RAB3GAP1: variants seen among roughly 807,000 people sequenced by gnomAD.
The protein encoded by RAB3GAP1 is RAB3 GTPase activating protein catalytic subunit 1.
A neutral mutation model predicts 130.7 loss-of-function variants in RAB3GAP1; 86 were observed. The observed-to-expected ratio is 0.66, with a 90% CI of 0.55 to 0.79. RAB3GAP1 has a LOEUF of 0.79. Ranked by LOEUF, RAB3GAP1 falls within the 30% of genes least tolerant of loss-of-function variation. The probability of loss-of-function intolerance (pLI) is 0.00; values close to 1 mark genes in which losing one functional copy is unlikely to be tolerated. For missense variants in RAB3GAP1, 1,029 were observed against 1,169.4 expected, an observed-to-expected ratio of 0.88 and a Z score of 1.75; for synonymous variants, 367 against 401.7, an observed-to-expected ratio of 0.91 and a Z score of 1.03.
At chr2:135,120,500 A>G (rs1046638116) in intron 7 of RAB3GAP1, among the ~76,000 whole-genome samples, 1 of 152,164 alleles carries the variant, frequency 6.6e-6, no homozygotes, top group Non-Finnish European at 1.5e-5. Context: ...GTTCCTTACT[A>G]TGGGATCTTT....
rs1231613312 is a variant in RAB3GAP1 at position 135,078,097 on chromosome 2, G to A, written c.151-12901G>A. ...TTGTTGCCTGTGCTTTTGGTGTCCTGTCCAAGAAATAATTGCAAATTCAGA... is the reference window on the plus strand; with the variant it reads ...TTGTTGCCTGTGCTTTTGGTGTCCTATCCAAGAAATAATTGCAAATTCAGA... On this transcript the variant is annotated intron_variant, in intron 3 of 23. Coordinates refer to ENST00000264158, the MANE Select transcript of RAB3GAP1 (RefSeq NM_012233.3). 3.9e-5 allele frequency among the ~76,000 whole-genome samples: 6 copies of A among 152,178 alleles called. No homozygotes were observed. In the South Asian group the frequency reaches 6.2e-4, roughly 16 times the overall value.
chr2:135,094,300 T>C (rs1486589053), intron 5 of RAB3GAP1, among the ~76,000 whole-genome samples: 1 of 152,188 alleles, frequency 6.6e-6, no homozygotes, highest in African/African-American at 2.4e-5. Flanking sequence ...ATTGTAGATA[T>C]ATAGTAGTTT....
chr2:135,078,554 CATTTT>C (rs1271180539), intron 3 of RAB3GAP1, among the ~76,000 whole-genome samples: 1 of 151,578 alleles, frequency 6.6e-6, no homozygotes, highest in Non-Finnish European at 1.5e-5. Context: ...ATATACATAT[CATTTT>C]ATTTTAATTA....
At chr2:135,052,821 G>T (rs1199239336) in intron 2 of RAB3GAP1, among the ~76,000 whole-genome samples, 1 of 152,158 alleles carries the variant, frequency 6.6e-6, no homozygotes, top group Non-Finnish European at 1.5e-5. Context: ...CAACCGTTCC[G>T]GTTTTCATTA....
chr2:135,091,398 A>G (rs1690137190), intron 4 of RAB3GAP1, among the ~76,000 whole-genome samples: 1 of 152,192 alleles, frequency 6.6e-6, no homozygotes, highest in African/African-American at 2.4e-5. Context: ...AAGATAGATA[A>G]GTAAGTAACC....
chr2:135,131,035 G>A (rs1205720110), intron 13 of RAB3GAP1, among the ~76,000 whole-genome samples: 1 of 152,118 alleles, frequency 6.6e-6, no homozygotes, highest in Admixed American at 6.5e-5. Context: ...TGAAAAGAAG[G>A]CTTTAGAAGC....
chr2:135,165,656 A>G (rs1458512662), intron 23 of RAB3GAP1, among the ~76,000 whole-genome samples: 1 of 152,180 alleles, frequency 6.6e-6, no homozygotes, highest in East Asian at 1.9e-4. Flanking sequence ...TCAAATTAAT[A>G]ACCAAATATT....
At chr2:135,138,445 G>A (rs1007153889) in intron 17 of RAB3GAP1, among the ~76,000 whole-genome samples, 2 of 151,978 alleles carry the variant, frequency 1.3e-5, no homozygotes, top group African/African-American at 2.4e-5. Context: ...GCAAGACCCT[G>A]TCTCAAAAAA....
intron 17 of RAB3GAP1, among the ~76,000 whole-genome samples, chr2:135,142,087 A>G (rs1409514801): frequency 2.0e-5 from 3 of 152,334 alleles, no homozygotes; most frequent in Non-Finnish European, 4.4e-5. Context: ...ACACATATTC[A>G]AAATCTTGCT....
intron 3 of RAB3GAP1, among the ~76,000 whole-genome samples, chr2:135,062,399 A>G (rs1364629872): frequency 6.6e-6 from 1 of 152,252 alleles, no homozygotes; most frequent in Non-Finnish European, 1.5e-5. Flanking sequence ...GATATTGCCA[A>G]ATGCCCGCTG....
chr2:135,142,585 C>G (rs1276405487), intron 17 of RAB3GAP1, among the ~76,000 whole-genome samples: 1 of 152,194 alleles, frequency 6.6e-6, no homozygotes, highest in East Asian at 1.9e-4. Flanking sequence ...TTCTCTTGTT[C>G]CCAACCTCAG....
chr2:135,137,083 C>G (rs1319626528), intron 17 of RAB3GAP1: 2 of 264,442 alleles, frequency 7.6e-6, no homozygotes, highest in East Asian at 2.0e-4. Context: ...AAGACAGACC[C>G]TGTCTCTTAA....
chr2:135,099,463 G>GTGTGTA (rs1553442724), intron 5 of RAB3GAP1, among the ~76,000 whole-genome samples: 53 of 149,390 alleles, frequency 3.5e-4, no homozygotes, highest in South Asian at 1.3e-3. Context: ...GTGTGTGTGT[G>GTGTGTA]TGTATGTATG....
intron 12 of RAB3GAP1, 80 bp from the exon 13 acceptor site, chr2:135,130,472 A>G (rs1420361046): frequency 1.0e-5 from 12 of 1,183,498 alleles, no homozygotes; most frequent in African/African-American, 7.8e-5. Flanking sequence ...AAAATATTCT[A>G]TATAATCATC....
At chr2:135,064,750 G>GTTTTTTT (rs201895107) in intron 3 of RAB3GAP1, among the ~76,000 whole-genome samples, 2 of 109,078 alleles carry the variant, frequency 1.8e-5, no homozygotes, top group African/African-American at 7.4e-5. Context: ...TTCCTGAGGT[G>GTTTTTTT]TTTTGTTTTT....
At chr2:135,120,251 T>G (rs2104927212) in intron 7 of RAB3GAP1, among the ~76,000 whole-genome samples, 1 of 152,358 alleles carries the variant, frequency 6.6e-6, no homozygotes, top group Admixed American at 6.5e-5. Flanking sequence ...AAGAGCATTT[T>G]GCTTAATAGA....
At chr2:135,124,870 T>C (rs1385732673) in intron 9 of RAB3GAP1, among the ~76,000 whole-genome samples, 1 of 152,164 alleles carries the variant, frequency 6.6e-6, no homozygotes, top group East Asian at 1.9e-4. Context: ...ATAGAGACTG[T>C]GCATGGTTCA....
Position 135,169,999 on chromosome 2 carries a change from A to G in RAB3GAP1, c.*1218A>G, listed in dbSNP as rs550424660. Reference sequence around the variant, plus strand: ...TAAAAAAAAAAAAAAATACATATCTATATATAATATGTGTGTGTGTGTGAC... The same window carrying G: ...TAAAAAAAAAAAAAAATACATATCTGTATATAATATGTGTGTGTGTGTGAC... On this transcript the variant is annotated 3_prime_UTR_variant, in exon 24 of 24. Coordinates refer to ENST00000264158, the MANE Select transcript of RAB3GAP1 (RefSeq NM_012233.3). 6 of 269,950 alleles carry G rather than the reference A, an allele frequency of 2.2e-5. 1 individual carries two copies. The highest frequency in any genetic ancestry group is 1.9e-4 in the East Asian group (2 of 10,578). 16.7% of individuals were successfully genotyped at this position (269,950 alleles called of 1,614,324 possible).
chr2:135,149,942 C>A (rs1295056579), intron 17 of RAB3GAP1, among the ~76,000 whole-genome samples: 1 of 152,208 alleles, frequency 6.6e-6, no homozygotes, highest in African/African-American at 2.4e-5. Flanking sequence ...CAGGCATGAG[C>A]CACCGTGCCT....
Sources: allele counts gnomAD v4.1 joint callset (sites outside exome capture counted in the v4.1 genomes callset), GRCh38; gene constraint gnomAD v4.1.1; transcripts MANE v1.5; gene names NCBI Gene and HGNC (gene_info 2026-07-23, HGNC 2026-07-21).